Variants in CROCC observed in about 807,000 individuals in gnomAD.
CROCC encodes ciliary rootlet coiled-coil, rootletin.
In CROCC, 180 loss-of-function variants were observed where a neutral mutation model predicts 245.2. That is an observed-to-expected ratio of 0.73 (90% CI 0.65 to 0.83). The LOEUF (loss-of-function observed/expected upper bound fraction) is 0.83. CROCC is among the 40% of genes least tolerant of loss of function. CROCC has a pLI of 0.00. For synonymous variants in CROCC, 1,205 were observed against 1,241.6 expected (o/e 0.97, Z 0.62); for missense variants, 2,688 against 2,779.4 (o/e 0.97, Z 0.74).
At chr1:16,931,215 C>G in intron 7 of CROCC, 76 bp from the exon 8 acceptor site, 1 of 1,307,934 alleles carries the variant, frequency 7.6e-7, no homozygotes, top group South Asian at 1.2e-5. Flanking sequence ...CCAGGATGGT[C>G]GGAGATGAGG....
intron 1 of CROCC, 92 bp from the exon 2 acceptor site, chr1:16,922,571 T>C (rs2075431692): frequency 1.3e-6 from 2 of 1,486,870 alleles, no homozygotes; most frequent in African/African-American, 2.8e-5. Flanking sequence ...TGGGGACCTG[T>C]ATCTTGGGCA....
At chr1:16,939,673 C>A (rs1299575125) in intron 12 of CROCC, among the ~76,000 whole-genome samples, 1 of 152,214 alleles carries the variant, frequency 6.6e-6, no homozygotes, top group Non-Finnish European at 1.5e-5. Context: ...TAGGAGTTGT[C>A]CGGGACCCCA....
chr1:16,934,298 C>A (rs2075742435), intron 8 of CROCC, among the ~76,000 whole-genome samples: 2 of 152,220 alleles, frequency 1.3e-5, no homozygotes. Flanking sequence ...GTATTATGGA[C>A]TGAAAATACA....
At chr1:16,914,249 G>GT (rs1458996678) in intron 1 of CROCC, among the ~76,000 whole-genome samples, 1 of 152,098 alleles carries the variant, frequency 6.6e-6, no homozygotes, top group African/African-American at 2.4e-5. Context: ...TGGGGGCGCT[G>GT]TGTGTTCCGC....
intron 36 of CROCC, among the ~76,000 whole-genome samples, chr1:16,972,131 G>T (rs961265244): frequency 6.6e-6 from 1 of 152,204 alleles, no homozygotes; most frequent in African/African-American, 2.4e-5. Flanking sequence ...AAGTGATGAT[G>T]GGGATAAAGA....
intron 8 of CROCC, among the ~76,000 whole-genome samples, chr1:16,932,808 C>T (rs113887381): frequency 0.016 from 2,372 of 151,362 alleles, no homozygotes; most frequent in African/African-American, 0.055. Flanking sequence ...GGAGAGAGCC[C>T]CAAGGCAGGA....
intron 2 of CROCC, 79 bp from the exon 3 acceptor site, chr1:16,924,246 G>T (rs1262208428): frequency 6.4e-7 from 1 of 1,554,640 alleles, no homozygotes; most frequent in Non-Finnish European, 8.7e-7. Context: ...GGCCTGGATG[G>T]TTTTCTTGCC....
rs1036281117 is a variant in CROCC, at chr1:16,971,610, G to A, written c.5930G>A (p.Arg1977Gln). Residue 1977 changes from arginine to glutamine, a missense_variant, in exon 36 of 37, where the codon CGG (arginine) becomes CAG (glutamine). Physicochemically the swap from Arg to Gln is conservative, Grantham distance 43. Around this residue, in one of 9 missense-constraint regions of CROCC, gnomAD observed 1,218 missense variants for 1,286.3 expected, o/e 0.95. Coordinates refer to ENST00000375541, the MANE Select transcript of CROCC (RefSeq NM_014675.5). ...GAGCGCACCCTGGAGGCTCGGGAGC[G>A]GGCCCACCGCCAGAGGGTGCGTGGG... is the stretch of plus-strand genomic sequence containing the variant. The part of the protein sequence containing the change: ...QTERTLEARE[R>Q]AHRQRVRGLE... 38 of 1,518,330 alleles carry A rather than the reference G, an allele frequency of 2.5e-5. No individual in the cohort carries two copies. The highest frequency in any genetic ancestry group is 2.5e-5 in the East Asian group (1 of 40,278). 94.1% of individuals were successfully genotyped at this position (1,518,330 alleles called of 1,614,324 possible). A position where few individuals can be genotyped will look rare whatever the true frequency, so the allele number is the denominator to read the frequency against.
In CROCC at chr1:16,965,848, C is replaced by A; in HGVS notation, c.4531C>A (p.Leu1511Ile). The A allele has an allele frequency of 6.2e-7, 1 of 1,613,646 alleles. No individual in the cohort carries two copies. The highest frequency in any genetic ancestry group is 8.5e-7 in the Non-Finnish European group (1 of 1,180,014). Residue 1511 changes from leucine (L) to isoleucine (I), a missense_variant, in exon 28 of 37, where the codon CTC (leucine) becomes ATC (isoleucine). Physicochemically the swap from Leu to Ile is conservative, Grantham distance 5. Around this residue, in one of 9 missense-constraint regions of CROCC, gnomAD observed 1,218 missense variants for 1,286.3 expected, o/e 0.95. Transcript: ENST00000375541. ...GGACCCGGAGGCAGTGCGCGGGGCC[C>A]TCCGGGAATTCCTGCAAGAGCTGCG... ...DLDPEAVRGALREFLQELRSA... is the reference protein window; with the variant it reads ...DLDPEAVRGAIREFLQELRSA...
At chr1:16,955,192 CGG>C (rs1401044173) in intron 23 of CROCC, 118 bp from the exon 24 acceptor site, 2 of 921,888 alleles carry the variant, frequency 2.2e-6, no homozygotes, top group Admixed American at 4.5e-5. Flanking sequence ...TCACAGCCTG[CGG>C]TCTGAGCACT....
At chr1:16,937,831 C>G in intron 10 of CROCC, 94 bp downstream of exon 10, 2 of 1,087,054 alleles carry the variant, frequency 1.8e-6, no homozygotes, top group Non-Finnish European at 2.8e-6. Context: ...CCTGGGTCAC[C>G]CCCAGCGTCC....
intron 25 of CROCC, 101 bp from the exon 26 acceptor site, chr1:16,958,482 T>C (rs978650195): frequency 2.2e-5 from 30 of 1,384,750 alleles, no homozygotes; most frequent in Non-Finnish European, 2.7e-5. Context: ...TGGTATTTGA[T>C]ACATGTGTCC....
upstream of CROCC, among the ~76,000 whole-genome samples, chr1:16,919,449 G>C (rs2075358260): frequency 6.6e-6 from 1 of 152,286 alleles, no homozygotes; most frequent in Non-Finnish European, 1.5e-5. Context: ...GCACAGCATG[G>C]AGCAGAGGGC....
rs1207424686 is a variant in CROCC at position 16,954,786 on chromosome 1, A to T, written c.3374A>T (p.Glu1125Val). ...CTGCGGGACCTACGGGCCCAGCGGG[A>T]GGAGGCTGCTGCGGCCCACGCCCAG... ...SELRDLRAQR[E>V]EAAAAHAQEV... The change falls in exon 23 of 37, where the codon GAG becomes GTG. Residue 1125 changes from glutamate to valine, a missense_variant. Coordinates refer to ENST00000375541, the MANE Select transcript of CROCC (RefSeq NM_014675.5). This position sits in a 1 kb window ranked among gnomAD's most constrained non-coding sequence, Gnocchi z 4.4. The T allele has an allele frequency of 6.4e-7, 1 of 1,554,264 alleles. No individual in the cohort carries two copies. The highest frequency in any genetic ancestry group is 2.4e-5 in the East Asian group (1 of 41,212).
chr1:16,945,252 C>T (rs1213922387), intron 14 of CROCC, among the ~76,000 whole-genome samples: 9 of 152,266 alleles, frequency 5.9e-5, no homozygotes, highest in Admixed American at 2.6e-4. Context: ...AACAATGTCA[C>T]GAGGTAAGTG....
intron 1 of CROCC, 40 bp from the exon 2 acceptor site, chr1:16,922,623 G>T: frequency 6.4e-7 from 1 of 1,558,492 alleles, no homozygotes; most frequent in Non-Finnish European, 8.7e-7. Flanking sequence ...GGGAGCCCCG[G>T]GTCCCATGTC....
At chr1:16,936,539 G>T (rs1570621213) in intron 8 of CROCC, 98 bp from the exon 9 acceptor site, 5 of 1,268,204 alleles carry the variant, frequency 3.9e-6, no homozygotes, top group East Asian at 2.5e-5. Context: ...GAAGTGCTGG[G>T]ATTATAGGTG....
At chr1:16,963,185 GA>G (rs56708042) in intron 27 of CROCC, among the ~76,000 whole-genome samples, 26,728 of 105,888 alleles carry the variant, frequency 0.25, 2,845 homozygotes, top group African/African-American at 0.33. Context: ...CTCCGTCTCA[GA>G]AAAAAAAAAA....
At chr1:16,957,099 C>A (rs1386791152) in intron 25 of CROCC, among the ~76,000 whole-genome samples, 1 of 152,180 alleles carries the variant, frequency 6.6e-6, no homozygotes, top group Non-Finnish European at 1.5e-5. Context: ...TGGTGAAAAC[C>A]TGTCTCTACT....
Sources: gnomAD v4.1 joint callset for allele counts (sites outside exome capture counted in the v4.1 genomes callset) on GRCh38, gnomAD v4.1.1 for gene constraint, gnomAD v4.1.1 regional missense constraint, Gnocchi (gnomAD v3.1) non-coding constraint, MANE v1.5 for transcripts, NCBI Gene and HGNC (gene_info 2026-07-23, HGNC 2026-07-21) for gene names.